The following AOPEP variants were observed in gnomAD, a reference collection of about 807,000 sequenced individuals.
AOPEP encodes the protein aminopeptidase O (putative).
Under a neutral mutation model 98.1 loss-of-function variants are expected in AOPEP, and 77 were observed. That is an observed-to-expected ratio of 0.78 (90% confidence interval 0.65 to 0.95). The LOEUF (loss-of-function observed/expected upper bound fraction) is 0.95. AOPEP is among the 40% of genes least tolerant of loss of function. The pLI, the probability that AOPEP is intolerant of heterozygous loss-of-function variation, is 0.00. For synonymous variants in AOPEP, 346 were observed against 365.3 expected (o/e 0.95, Z 0.60); for missense variants, 1,024 against 1,024.7 (o/e 1.00, Z 0.01).
At chr9:95,047,273 T>A (rs1263623092) in intron 13 of AOPEP, among the ~76,000 whole-genome samples, 1 of 152,206 alleles carries the variant, frequency 6.6e-6, no homozygotes, top group Non-Finnish European at 1.5e-5. Flanking sequence ...TTTATAGTGG[T>A]GGGGTTTTAA....
At chr9:95,125,481 T>G in the AOPEP span, among the ~76,000 whole-genome samples, 1 of 152,230 alleles carries the variant, frequency 6.6e-6, no homozygotes, top group African/African-American at 2.4e-5. Flanking sequence ...TTGTATTGTA[T>G]GCCTGGACAC....
At chr9:94,933,359 TC>T (rs1281332415) in intron 7 of AOPEP, 3 of 985,310 alleles carry the variant, frequency 3.0e-6, no homozygotes, top group Non-Finnish European at 3.6e-6. Context: ...TCAGAAGAAA[TC>T]TGTTGTTTTT....
intron 11 of AOPEP, among the ~76,000 whole-genome samples, chr9:94,996,065 T>C (rs1462163714): frequency 1.3e-5 from 2 of 152,164 alleles, no homozygotes; most frequent in Non-Finnish European, 2.9e-5. Context: ...GGACAGGTCC[T>C]TTTTCACGGA....
chr9:95,033,353 T>A (rs1216278709), intron 13 of AOPEP, among the ~76,000 whole-genome samples: 1 of 152,174 alleles, frequency 6.6e-6, no homozygotes, highest in African/African-American at 2.4e-5. Flanking sequence ...CCCCAAGTGG[T>A]GATTCCTTCC....
intron 5 of AOPEP, among the ~76,000 whole-genome samples, chr9:94,822,154 C>T (rs62578970): frequency 0.031 from 4,745 of 152,288 alleles, 94 homozygotes; most frequent in Middle Eastern, 0.054. Context: ...GGCTGAGAGG[C>T]CCAGAGAACA....
At chr9:94,816,591 G>C (rs1041813204) in intron 5 of AOPEP, among the ~76,000 whole-genome samples, 1 of 152,162 alleles carries the variant, frequency 6.6e-6, no homozygotes, top group Non-Finnish European at 1.5e-5. Context: ...GCAGGGCTCT[G>C]TTCCTTCAGT....
intron 5 of AOPEP, among the ~76,000 whole-genome samples, chr9:94,892,958 GC>G (rs1199729584): frequency 1.3e-5 from 2 of 152,196 alleles, no homozygotes; most frequent in South Asian, 4.1e-4. Flanking sequence ...CTCCCAAAGT[GC>G]TGGGATTCCA....
chr9:94,879,845 A>AT (rs970265993), intron 5 of AOPEP, among the ~76,000 whole-genome samples: 14 of 151,954 alleles, frequency 9.2e-5, no homozygotes, highest in Non-Finnish European at 5.9e-5. Flanking sequence ...TACCTCACCA[A>AT]TTTTTTTTAT....
chr9:95,030,478 C>G (rs2064201930), intron 13 of AOPEP, among the ~76,000 whole-genome samples: 1 of 152,222 alleles, frequency 6.6e-6, no homozygotes. Flanking sequence ...GATATGTATA[C>G]CTTAACTGAT....
chr9:95,093,256 G>C, the AOPEP span, among the ~76,000 whole-genome samples: 1 of 152,212 alleles, frequency 6.6e-6, no homozygotes, highest in South Asian at 2.1e-4. Flanking sequence ...GCAGATGGAG[G>C]ATGGGTCTTT....
chr9:95,090,390 T>G (rs1564628491), downstream of AOPEP, among the ~76,000 whole-genome samples: 1 of 152,226 alleles, frequency 6.6e-6, no homozygotes, highest in Non-Finnish European at 1.5e-5. Context: ...AGGGCACTTC[T>G]CCAGAGGCCA....
At chr9:94,756,798 C>T (rs2098636612) in intron 1 of AOPEP, among the ~76,000 whole-genome samples, 1 of 152,100 alleles carries the variant, frequency 6.6e-6, no homozygotes, top group African/African-American at 2.4e-5. Flanking sequence ...CACAGAGAAC[C>T]ATTTTTCTCT....
intron 5 of AOPEP, among the ~76,000 whole-genome samples, chr9:94,846,140 C>G (rs2042838733): frequency 6.6e-6 from 1 of 151,450 alleles, no homozygotes; most frequent in Non-Finnish European, 1.5e-5. Flanking sequence ...AGTGGAAATA[C>G]AGCTGGAGTT....
chr9:95,098,151 T>C, the AOPEP span, among the ~76,000 whole-genome samples: 1 of 152,174 alleles, frequency 6.6e-6, no homozygotes, highest in South Asian at 2.1e-4. Flanking sequence ...AATCCTCCAG[T>C]GCATCCGCCG....
chr9:95,031,879 C>T (rs2064337900), intron 13 of AOPEP, among the ~76,000 whole-genome samples: 1 of 152,174 alleles, frequency 6.6e-6, no homozygotes, highest in Non-Finnish European at 1.5e-5. Flanking sequence ...GACCATGTGC[C>T]ACAACTGAGG....
At chr9:95,144,814 T>C in the AOPEP span, among the ~76,000 whole-genome samples, 3 of 152,172 alleles carry the variant, frequency 2.0e-5, no homozygotes, top group African/African-American at 4.8e-5. Context: ...GTGTGCTCCA[T>C]TGCGGGTGTT....
chr9:94,893,901 T>G (rs1189959088), intron 5 of AOPEP, among the ~76,000 whole-genome samples: 1 of 152,218 alleles, frequency 6.6e-6, no homozygotes, highest in Admixed American at 6.5e-5. Context: ...TTGGAAGACT[T>G]GCTAAAAATG....
intron 1 of AOPEP, among the ~76,000 whole-genome samples, chr9:94,757,282 G>T (rs1381819407): frequency 3.3e-5 from 5 of 152,212 alleles, no homozygotes; most frequent in Non-Finnish European, 7.3e-5. Context: ...CAGCAAGCTT[G>T]GAATTGGAAA....
chr9:95,126,303 G>A, the AOPEP span, among the ~76,000 whole-genome samples: 1 of 152,098 alleles, frequency 6.6e-6, no homozygotes, highest in African/African-American at 2.4e-5. Flanking sequence ...ATCTTAAAAG[G>A]CTAAAGAAAA....
Sources: gnomAD v4.1 joint callset for allele counts (sites outside exome capture counted in the v4.1 genomes callset) on GRCh38, gnomAD v4.1.1 for gene constraint, MANE v1.5 for transcripts, NCBI Gene and HGNC (gene_info 2026-07-23, HGNC 2026-07-21) for gene names.